GABRB1: variants seen among roughly 807,000 people sequenced by gnomAD.
GABRB1 encodes gamma-aminobutyric acid receptor subunit beta-1.
A neutral mutation model predicts 51.6 loss-of-function variants in GABRB1; 17 were observed. The observed-to-expected ratio is 0.33, with a 90% CI of 0.23 to 0.49. GABRB1 has a LOEUF of 0.49. GABRB1 is among the 20% of genes least tolerant of loss of function. GABRB1 has a pLI of 0.99. For synonymous variants in GABRB1, 247 were observed against 218.9 expected, an observed-to-expected ratio of 1.13 and a Z score of -1.14; for missense variants, 410 against 600.6, an observed-to-expected ratio of 0.68 and a Z score of 3.32.
intron 4 of GABRB1, among the ~76,000 whole-genome samples, chr4:47,255,155 TCTG>T (rs1722150305): frequency 6.6e-6 from 1 of 152,244 alleles, no homozygotes; most frequent in African/African-American, 2.4e-5. Context: ...CAGTCCTGAC[TCTG>T]CTATTTGCTA....
chr4:47,335,081 C>A (rs190616388), intron 5 of GABRB1, among the ~76,000 whole-genome samples: 25 of 152,170 alleles, frequency 1.6e-4, no homozygotes, highest in Admixed American at 1.6e-3. Flanking sequence ...TGGCATAGTT[C>A]TCATTTTAAG....
At chr4:47,338,903 G>C (rs1276894561) in intron 5 of GABRB1, among the ~76,000 whole-genome samples, 1 of 152,120 alleles carries the variant, frequency 6.6e-6, no homozygotes, top group Non-Finnish European at 1.5e-5. Flanking sequence ...GGGCAGATGT[G>C]CTGGTACATT....
intron 3 of GABRB1, among the ~76,000 whole-genome samples, chr4:47,035,364 A>C: frequency 6.6e-6 from 1 of 152,186 alleles, no homozygotes; most frequent in African/African-American, 2.4e-5. Flanking sequence ...CTCTACAATC[A>C]AGAATCATTG....
At chr4:47,073,785 G>T (rs1560521695) in intron 3 of GABRB1, among the ~76,000 whole-genome samples, 1 of 152,104 alleles carries the variant, frequency 6.6e-6, no homozygotes, top group Non-Finnish European at 1.5e-5. Context: ...TAGTGACCTG[G>T]AGGCCCTATG....
chr4:47,297,589 C>T (rs2109932345), intron 4 of GABRB1, among the ~76,000 whole-genome samples: 1 of 152,274 alleles, frequency 6.6e-6, no homozygotes, highest in East Asian at 1.9e-4. Flanking sequence ...AGACCAATAA[C>T]AGGCTCTGAA....
At chr4:47,200,938 GC>G (rs1175597059) in intron 4 of GABRB1, among the ~76,000 whole-genome samples, 1 of 152,060 alleles carries the variant, frequency 6.6e-6, no homozygotes, top group Non-Finnish European at 1.5e-5. Context: ...GTAGCCATTA[GC>G]CAGTCTTATG....
At chr4:47,248,498 A>G (rs763074250) in intron 4 of GABRB1, among the ~76,000 whole-genome samples, 1 of 152,054 alleles carries the variant, frequency 6.6e-6, no homozygotes, top group Admixed American at 6.6e-5. Context: ...TGGTTTTGGT[A>G]TTAGGGTGAT....
chr4:47,216,349 C>T (rs545991362), intron 4 of GABRB1, among the ~76,000 whole-genome samples: 8 of 151,920 alleles, frequency 5.3e-5, no homozygotes, highest in South Asian at 2.1e-4. Context: ...GTTTTCTACC[C>T]CATTAGGAAA....
At chr4:47,292,896 A>G (rs1422845145) in intron 4 of GABRB1, among the ~76,000 whole-genome samples, 4 of 152,222 alleles carry the variant, frequency 2.6e-5, no homozygotes, top group African/African-American at 9.6e-5. Context: ...TTGTTCATCA[A>G]TTCATGAGGG....
At chr4:47,014,170 A>C (rs1442846383) in intron 1 of GABRB1, among the ~76,000 whole-genome samples, 1 of 152,134 alleles carries the variant, frequency 6.6e-6, no homozygotes, top group African/African-American at 2.4e-5. Context: ...TTACCTCTAT[A>C]ATGTATCATG....
intron 4 of GABRB1, among the ~76,000 whole-genome samples, chr4:47,187,851 C>G (rs1161229077): frequency 6.6e-6 from 1 of 151,900 alleles, no homozygotes; most frequent in African/African-American, 2.4e-5. Flanking sequence ...GGACTTCTGC[C>G]TAGGGTCCTT....
intron 3 of GABRB1, among the ~76,000 whole-genome samples, chr4:47,120,041 G>A (rs1014893715): frequency 2.6e-5 from 4 of 152,124 alleles, no homozygotes; most frequent in South Asian, 2.1e-4. Flanking sequence ...TGATGTTGCT[G>A]AAAAACTGGA....
chr4:47,219,095 A>G (rs546954565), intron 4 of GABRB1, among the ~76,000 whole-genome samples: 4 of 151,974 alleles, frequency 2.6e-5, no homozygotes, highest in South Asian at 4.1e-4. Flanking sequence ...TCACTTCTTC[A>G]TTTTGAAAAG....
intron 4 of GABRB1, among the ~76,000 whole-genome samples, chr4:47,314,157 T>A (rs902856954): frequency 2.6e-5 from 4 of 151,992 alleles, no homozygotes; most frequent in African/African-American, 9.7e-5. Flanking sequence ...TAAAAAACAA[T>A]GAGTTATGGT....
chr4:47,348,363 C>T (rs547982975), intron 5 of GABRB1, among the ~76,000 whole-genome samples: 41 of 152,320 alleles, frequency 2.7e-4, no homozygotes, highest in South Asian at 1.2e-3. Flanking sequence ...CAAAAAACCA[C>T]GAATTGCCCA....
chr4:47,039,414 A>G (rs1215474753), intron 3 of GABRB1, among the ~76,000 whole-genome samples: 1 of 151,112 alleles, frequency 6.6e-6, no homozygotes, highest in South Asian at 2.1e-4. Context: ...TGTAGAGCTT[A>G]TAGTCTTTTT....
chr4:47,287,311 C>G lies in GABRB1; in HGVS notation c.462-32816C>G, dbSNP rs147796552. ...CAAGTATTTTAATTTTGTCCATGAG[C>G]CTTTCTGTTCTATGGTGCTATGGGA... On this transcript the variant is annotated intron_variant, in intron 4 of 8. Transcript: ENST00000295454. Among the ~76,000 whole-genome samples the G allele has an allele frequency of 2.0e-4, 30 of 152,272 alleles. No homozygotes were observed. In the East Asian group the frequency reaches 5.6e-3, roughly 28 times the overall value.
In GABRB1 at chr4:47,328,110, T is replaced by G. The variant is rs1001869668; in HGVS notation, c.544+7901T>G. Among the ~76,000 whole-genome samples the G allele has an allele frequency of 2.6e-5, 4 of 152,376 alleles. 1 individual carries two copies. In the South Asian group the frequency reaches 8.3e-4, roughly 32 times the overall value. Reference sequence around the variant, plus strand: ...GTCTTTTGGCTGCATAAATGTCTTCTTTTGCGAAGTGTCTGTTCATATCCT... The same window carrying G: ...GTCTTTTGGCTGCATAAATGTCTTCGTTTGCGAAGTGTCTGTTCATATCCT... On this transcript the variant is annotated intron_variant, in intron 5 of 8. Coordinates refer to ENST00000295454, the MANE Select transcript of GABRB1 (RefSeq NM_000812.4).
chr4:47,273,804 T>C (rs896785892), intron 4 of GABRB1, among the ~76,000 whole-genome samples: 1 of 151,494 alleles, frequency 6.6e-6, no homozygotes, highest in Non-Finnish European at 1.5e-5. Flanking sequence ...ATTTTATTAT[T>C]GAGATTGAGG....
Sources: allele counts gnomAD v4.1 joint callset (sites outside exome capture counted in the v4.1 genomes callset), GRCh38; gene constraint gnomAD v4.1.1; transcripts MANE v1.5; gene names NCBI Gene and HGNC (gene_info 2026-07-23, HGNC 2026-07-21).